Variants in CYP39A1 observed in about 807,000 individuals in gnomAD.
CYP39A1 encodes cytochrome P450 family 39 subfamily A member 1, also known as 24-hydroxycholesterol 7-alpha-hydroxylase.
In CYP39A1, 49 loss-of-function variants were observed where a neutral mutation model predicts 58.1. The ratio of observed to expected loss-of-function variants is 0.84; its 90% CI spans 0.67 to 1.07. The LOEUF (loss-of-function observed/expected upper bound fraction) is 1.07, where lower values mean the gene tolerates loss of function less well. CYP39A1 is among the 50% of genes least tolerant of loss of function. The pLI, the probability that CYP39A1 is intolerant of heterozygous loss-of-function variation, is 0.00. For synonymous variants in CYP39A1, 209 were observed against 187.6 expected (o/e 1.11, Z -0.93); for missense variants, 531 against 539.4 (o/e 0.98, Z 0.16).
intron 7 of CYP39A1, among the ~76,000 whole-genome samples, chr6:46,624,571 A>T (rs9463225): frequency 6.6e-6 from 1 of 152,178 alleles, no homozygotes; most frequent in African/African-American, 2.4e-5. Flanking sequence ...CCAAAAAAAA[A>T]AACTTTAAAT....
chr6:46,612,716 T>G (rs9472792), intron 7 of CYP39A1, among the ~76,000 whole-genome samples: 8,065 of 152,296 alleles, frequency 0.053, 455 homozygotes, highest in African/African-American at 0.14. Context: ...ATAAAATAAC[T>G]TCCTTCTGTT....
chr6:46,639,711 T>G (rs1247389715), intron 2 of CYP39A1, 43 bp from the exon 3 acceptor site: 1 of 1,516,696 alleles, frequency 6.6e-7, no homozygotes, highest in Non-Finnish European at 9.0e-7. Context: ...CAACAACTCC[T>G]TGAAACACAC....
intron 10 of CYP39A1, among the ~76,000 whole-genome samples, chr6:46,580,869 G>C (rs565211147): frequency 8.5e-5 from 13 of 152,260 alleles, no homozygotes; most frequent in African/African-American, 2.9e-4. Flanking sequence ...GTGAGGTTGA[G>C]GAGAAAAGGG....
rs1229293276 is a variant in CYP39A1, at chr6:46,616,216, C to T, written c.931+9202G>A. 3.5e-4 allele frequency among the ~76,000 whole-genome samples: 7 copies of T among 20,022 alleles called. 1 individual carries two copies. The highest frequency in any genetic ancestry group is 1.3e-3 in the African/African-American group (6 of 4,512). The allele number at this position is 20,022 out of a possible 152,430, so 13.1% of individuals were successfully genotyped here. On this transcript the variant is annotated intron_variant, in intron 7 of 11. Transcript: ENST00000275016. ...TTTCCCTCCCTCCCTCCCTCCCTCC[C>T]TCCCTCCCTCCCTCCCTCCCTCCCT...
intron 10 of CYP39A1, chr6:46,583,104 A>G (rs1772240274): frequency 2.0e-6 from 2 of 985,372 alleles, no homozygotes; most frequent in Non-Finnish European, 2.4e-6. Flanking sequence ...CATACACAAA[A>G]AGTAAAAATC....
intron 11 of CYP39A1, among the ~76,000 whole-genome samples, chr6:46,552,399 C>G (rs1770447192): frequency 6.6e-6 from 1 of 152,130 alleles, no homozygotes; most frequent in Non-Finnish European, 1.5e-5. Context: ...ATAAGTTACT[C>G]GTCCTCAAAA....
At chr6:46,569,624 A>G (rs1771474953) in intron 10 of CYP39A1, among the ~76,000 whole-genome samples, 1 of 152,102 alleles carries the variant, frequency 6.6e-6, no homozygotes, top group South Asian at 2.1e-4. Flanking sequence ...ATCCATTGAT[A>G]TAATCATATA....
In CYP39A1 at chr6:46,571,271, T is replaced by G. The variant is rs79115738; in HGVS notation, c.1250+15806A>C. On this transcript the variant is annotated intron_variant, in intron 10 of 11. Transcript: ENST00000275016. ...TAAAATGTAGTTCAAGTCCCATGTT[T>G]CCTTATTGATTTTCTGCTTGGATGA... Among the ~76,000 whole-genome samples the G allele has an allele frequency of 3.2e-3, 484 of 152,242 alleles. 3 individuals are homozygous for G. The highest frequency in any genetic ancestry group is 0.018 in the South Asian group (89 of 4,818).
chr6:46,627,464 G>T (rs1464018680), intron 6 of CYP39A1, among the ~76,000 whole-genome samples: 4 of 151,228 alleles, frequency 2.6e-5, no homozygotes, highest in African/African-American at 9.7e-5. Context: ...TGTTGCCTAG[G>T]CTGGAGTGCA....
intron 1 of CYP39A1, 97 bp downstream of exon 1, chr6:46,652,308 TC>T: frequency 1.0e-5 from 12 of 1,191,450 alleles, no homozygotes; most frequent in Non-Finnish European, 1.3e-5. Flanking sequence ...GCAGGTATGT[TC>T]CCCGTGTTCT....
intron 6 of CYP39A1, among the ~76,000 whole-genome samples, chr6:46,630,031 G>A (rs776393548): frequency 3.9e-5 from 6 of 152,036 alleles, no homozygotes; most frequent in Non-Finnish European, 2.9e-5. Context: ...GGGAAGCAGA[G>A]GTTGCAGTGA....
At chr6:46,648,367 G>A (rs1462287356) in intron 1 of CYP39A1, among the ~76,000 whole-genome samples, 2 of 151,856 alleles carry the variant, frequency 1.3e-5, no homozygotes, top group South Asian at 4.2e-4. Context: ...TTGTAAGGAC[G>A]TGGATGAAGC....
chr6:46,613,032 T>C (rs1294096357), intron 7 of CYP39A1, among the ~76,000 whole-genome samples: 1 of 152,204 alleles, frequency 6.6e-6, no homozygotes, highest in East Asian at 1.9e-4. Flanking sequence ...AATGACAATA[T>C]ATAAGATTTC....
chr6:46,612,165 A>C (rs184652628), intron 7 of CYP39A1, among the ~76,000 whole-genome samples: 1 of 152,330 alleles, frequency 6.6e-6, no homozygotes, highest in Non-Finnish European at 1.5e-5. Flanking sequence ...AAGCAATGAA[A>C]AAGGAGAGAG....
intron 10 of CYP39A1, among the ~76,000 whole-genome samples, chr6:46,580,671 T>TA (rs35549640): frequency 2.0e-5 from 3 of 151,702 alleles, no homozygotes; most frequent in East Asian, 1.9e-4. Flanking sequence ...CAACCCCATT[T>TA]AAAAAAAATG....
intron 10 of CYP39A1, chr6:46,586,510 G>T (rs1003243929): frequency 1.4e-5 from 14 of 985,008 alleles, no homozygotes; most frequent in Middle Eastern, 5.2e-4. Context: ...AACAAATAAA[G>T]ATAACAATAA....
rs762814859 is a variant in CYP39A1, at chr6:46,639,600, C to T, written c.382G>A (p.Gly128Arg). ...GTAAACTGATGGAGATTGACAGTCC[C>T]CATTTTCCCTTTCAACATAATATAG... ...KLYIMLKGKM[G>R]TVNLHQFTGQ... The change falls in exon 3 of 12, where the codon GGG becomes AGG. Residue 128 changes from glycine to arginine, a missense_variant. Coordinates refer to ENST00000275016, the MANE Select transcript of CYP39A1 (RefSeq NM_016593.5). 4 of 1,613,960 alleles carry T rather than the reference C, an allele frequency of 2.5e-6. No homozygotes were observed. Among genetic ancestry groups the T allele is most frequent in the Non-Finnish European group, 3.4e-6 (4 of 1,179,908 alleles).
At chr6:46,571,884 T>G (rs1467702647) in intron 10 of CYP39A1, among the ~76,000 whole-genome samples, 1 of 152,106 alleles carries the variant, frequency 6.6e-6, no homozygotes, top group Non-Finnish European at 1.5e-5. Flanking sequence ...CTTTATCTCT[T>G]GTGTGTCTAC....
chr6:46,569,196 T>C (rs1222192298), intron 10 of CYP39A1, among the ~76,000 whole-genome samples: 1 of 152,148 alleles, frequency 6.6e-6, no homozygotes, highest in African/African-American at 2.4e-5. Context: ...AGTTAGTATA[T>C]AAAAATGCAA....
Sources: allele counts gnomAD v4.1 joint callset (sites outside exome capture counted in the v4.1 genomes callset), GRCh38; gene constraint gnomAD v4.1.1; transcripts MANE v1.5; gene names NCBI Gene and HGNC (gene_info 2026-07-23, HGNC 2026-07-21).